PARVB: variants seen among roughly 807,000 people sequenced by gnomAD.
The protein encoded by PARVB is beta-parvin.
A neutral mutation model predicts 47.0 loss-of-function variants in PARVB; 46 were observed. The ratio of observed to expected loss-of-function variants is 0.98; its 90% CI spans 0.77 to 1.25. PARVB has a LOEUF of 1.25. Ranked by LOEUF, PARVB falls within the 50% of genes most tolerant of loss-of-function variation. PARVB has a pLI of 0.00. For synonymous variants in PARVB, 196 were observed against 196.3 expected (o/e 1.00, Z 0.01); for missense variants, 473 against 471.6 (o/e 1.00, Z -0.03).
At chr22:44,159,284 G>A (rs2054002842) in intron 11 of PARVB, among the ~76,000 whole-genome samples, 1 of 152,158 alleles carries the variant, frequency 6.6e-6, no homozygotes, top group African/African-American at 2.4e-5. Context: ...TAGTAAGAAT[G>A]CTGGCGAGAA....
chr22:44,091,912 C>A (rs2052177212), intron 1 of PARVB, among the ~76,000 whole-genome samples: 1 of 152,062 alleles, frequency 6.6e-6, no homozygotes, highest in Admixed American at 6.6e-5. Context: ...ATCCTGGGGC[C>A]CCGCTGCCAT....
chr22:44,134,280 G>A (rs2053393485), intron 6 of PARVB, among the ~76,000 whole-genome samples: 2 of 152,166 alleles, frequency 1.3e-5, no homozygotes, highest in Admixed American at 1.3e-4. Flanking sequence ...TTTGTGGCTG[G>A]TGGTGGTGAC....
chr22:44,094,033 C>T lies in PARVB; in HGVS notation c.202+16C>T, dbSNP rs754599983. The T allele has an allele frequency of 1.3e-4, 188 of 1,492,060 alleles. No homozygotes were observed. The highest frequency in any genetic ancestry group is 1.0e-3 in the Middle Eastern group (6 of 5,826). 92.4% of individuals were successfully genotyped at this position (1,492,060 alleles called of 1,614,324 possible). A position where few individuals can be genotyped will look rare whatever the true frequency, so the allele number is the denominator to read the frequency against. ...ACCCAGCTTGGTACGGGGGTTCCTC[C>T]GCTCCCTGCCCTGAGACAGTTGAGC... On this transcript the variant is annotated intron_variant, in intron 2 of 12. Coordinates refer to ENST00000338758, the MANE Select transcript of PARVB (RefSeq NM_013327.5).
chr22:44,154,067 A>G (rs1011000700), intron 10 of PARVB, among the ~76,000 whole-genome samples: 3 of 152,188 alleles, frequency 2.0e-5, no homozygotes, highest in Non-Finnish European at 4.4e-5. Flanking sequence ...TGTGAGGGGC[A>G]CTGCTCCCCC....
intron 4 of PARVB, among the ~76,000 whole-genome samples, chr22:44,127,528 T>A (rs1037827101): frequency 6.6e-6 from 1 of 152,134 alleles, no homozygotes; most frequent in Non-Finnish European, 1.5e-5. Flanking sequence ...AATACCAAGG[T>A]CAAAGCCAAC....
intron 1 of PARVB, chr22:44,069,145 G>A (rs769567134): frequency 6.2e-7 from 1 of 1,612,580 alleles, no homozygotes; most frequent in African/African-American, 1.3e-5. Flanking sequence ...GCTGCCGCCA[G>A]CTGCACCCTC....
exon 2 of PARVB, chr22:43,999,562 T>G: frequency 6.2e-7 from 1 of 1,609,054 alleles, no homozygotes; most frequent in Non-Finnish European, 8.5e-7. Flanking sequence ...ACGTGGGTGT[T>G]CCTGCAGCTG....
upstream of PARVB, among the ~76,000 whole-genome samples, chr22:44,022,366 C>T (rs938361079): frequency 2.0e-5 from 3 of 152,122 alleles, no homozygotes; most frequent in African/African-American, 7.2e-5. Context: ...CCCTGCAAGC[C>T]TCCTCTGCCC....
intron 2 of PARVB, among the ~76,000 whole-genome samples, chr22:44,098,159 T>A (rs1346138439): frequency 6.6e-6 from 1 of 152,098 alleles, no homozygotes; most frequent in Non-Finnish European, 1.5e-5. Context: ...AGGGGATGTT[T>A]CCAGAAACGG....
At chr22:44,078,549 C>G (rs999383033) in intron 1 of PARVB, among the ~76,000 whole-genome samples, 1 of 152,136 alleles carries the variant, frequency 6.6e-6, no homozygotes, top group Admixed American at 6.5e-5. Flanking sequence ...CACATCGGGC[C>G]CCCTGAATAA....
chr22:44,075,913 C>G (rs954978725), intron 1 of PARVB, among the ~76,000 whole-genome samples: 3 of 152,214 alleles, frequency 2.0e-5, no homozygotes, highest in African/African-American at 7.2e-5. Flanking sequence ...AGCAGTCGAG[C>G]TGGGATCAGA....
chr22:44,158,672 A>G (rs2053987988), intron 11 of PARVB, among the ~76,000 whole-genome samples: 1 of 152,042 alleles, frequency 6.6e-6, no homozygotes, highest in African/African-American at 2.4e-5. Flanking sequence ...GGCCCACGCC[A>G]CCCGGTCCCG....
At chr22:44,047,106 C>T (rs952131759) in intron 1 of PARVB, among the ~76,000 whole-genome samples, 1 of 152,174 alleles carries the variant, frequency 6.6e-6, no homozygotes, top group Non-Finnish European at 1.5e-5. Flanking sequence ...TGTGCCCCGT[C>T]TTAGTCTATT....
chr22:44,101,436 TATAAA>T lies in PARVB; in HGVS notation c.273+1331_273+1335del, dbSNP rs200765575. Among the ~76,000 whole-genome samples the T allele has an allele frequency of 9.1e-3, 1,346 of 147,422 alleles. 10 individuals carry two copies. Among genetic ancestry groups the T allele is most frequent in the Middle Eastern group, 0.021 (6 of 282 alleles). On this transcript the variant is annotated intron_variant, in intron 3 of 12. Coordinates refer to ENST00000338758, the MANE Select transcript of PARVB (RefSeq NM_013327.5). ...AAAAAATAAAAAATAAAAAATAAAA[TATAAA>T]ATAAAATAAAATAAAATCTACATTG...
intron 11 of PARVB, among the ~76,000 whole-genome samples, chr22:44,160,476 G>A (rs751032502): frequency 3.3e-5 from 5 of 152,214 alleles, no homozygotes; most frequent in African/African-American, 1.2e-4. Flanking sequence ...TGGCTGGCTC[G>A]AAGCAGGTGT....
chr22:44,017,481 A>T (rs2050595981), intron 2 of PARVB, among the ~76,000 whole-genome samples: 1 of 152,178 alleles, frequency 6.6e-6, no homozygotes, highest in Non-Finnish European at 1.5e-5. Context: ...AAAGCCCAAG[A>T]CAGTTCCTCT....
At chr22:44,097,865 C>T (rs1601596499) in intron 2 of PARVB, among the ~76,000 whole-genome samples, 1 of 152,190 alleles carries the variant, frequency 6.6e-6, no homozygotes. Context: ...CTGTCCTCCA[C>T]CTTTCACAGT....
intron 2 of PARVB, among the ~76,000 whole-genome samples, chr22:44,015,319 G>GATTTT (rs2050564626): frequency 1.3e-5 from 2 of 152,088 alleles, no homozygotes; most frequent in Non-Finnish European, 2.9e-5. Flanking sequence ...ACAAAGAGCA[G>GATTTT]CCTGAAAAAT....
chr22:44,017,957 G>A (rs1234951569), intron 2 of PARVB, among the ~76,000 whole-genome samples: 2 of 152,122 alleles, frequency 1.3e-5, no homozygotes, highest in African/African-American at 2.4e-5. Context: ...GACATTGTGT[G>A]TGCTTCTCCA....
Sources: allele counts gnomAD v4.1 joint callset (sites outside exome capture counted in the v4.1 genomes callset), GRCh38; gene constraint gnomAD v4.1.1; transcripts MANE v1.5; gene names NCBI Gene and HGNC (gene_info 2026-07-23, HGNC 2026-07-21).